The following METTL25 variants were observed in gnomAD, a reference collection of about 807,000 sequenced individuals.
METTL25 encodes probable methyltransferase-like protein 25.
A neutral mutation model predicts 71.6 loss-of-function variants in METTL25; 64 were observed. The ratio of observed to expected loss-of-function variants is 0.89; its 90% CI spans 0.73 to 1.10. The LOEUF (loss-of-function observed/expected upper bound fraction) is 1.10, where lower values mean the gene tolerates loss of function less well. Ranked by LOEUF, METTL25 falls within the 50% of genes least tolerant of loss-of-function variation. The pLI, the probability that METTL25 is intolerant of heterozygous loss-of-function variation, is 0.00. For missense variants in METTL25, 807 were observed against 707.0 expected (o/e 1.14, Z -1.60); for synonymous variants, 287 against 250.3 (o/e 1.15, Z -1.38).
intron 1 of METTL25, among the ~76,000 whole-genome samples, chr12:82,362,811 GAACAGT>G (rs1393213886): frequency 3.3e-5 from 5 of 152,166 alleles, no homozygotes; most frequent in Non-Finnish European, 7.4e-5. Context: ...ACATTTCAAG[GAACAGT>G]AGCTTGAAGA....
chr12:82,395,916 T>C (rs1164653586), intron 3 of METTL25, among the ~76,000 whole-genome samples: 1 of 152,108 alleles, frequency 6.6e-6, no homozygotes, highest in African/African-American at 2.4e-5. Flanking sequence ...TGCATGAGTA[T>C]GATATGGTAT....
chr12:82,379,246 A>C (rs1884190053), intron 1 of METTL25, among the ~76,000 whole-genome samples: 1 of 152,184 alleles, frequency 6.6e-6, no homozygotes, highest in Non-Finnish European at 1.5e-5. Context: ...CCTAAGTAAG[A>C]AATGATGTAT....
intron 4 of METTL25, among the ~76,000 whole-genome samples, chr12:82,400,288 C>T (rs1178122001): frequency 6.6e-6 from 1 of 151,604 alleles, no homozygotes; most frequent in Admixed American, 6.6e-5. Flanking sequence ...GCCAAGATCG[C>T]ACCACTGCAC....
At chr12:82,444,462 A>G (rs1358771138) in intron 8 of METTL25, among the ~76,000 whole-genome samples, 1 of 152,220 alleles carries the variant, frequency 6.6e-6, no homozygotes, top group Non-Finnish European at 1.5e-5. Flanking sequence ...AGCTGAAGGT[A>G]TAAAACTCAT....
intron 7 of METTL25, among the ~76,000 whole-genome samples, chr12:82,435,991 TTGAATCTC>T (rs1418047155): frequency 1.3e-5 from 2 of 151,440 alleles, no homozygotes; most frequent in South Asian, 4.1e-4. Context: ...AGACTAAGAC[TTGAATCTC>T]TGAGTCTGCA....
intron 5 of METTL25, among the ~76,000 whole-genome samples, chr12:82,414,628 T>A (rs1887814848): frequency 6.6e-6 from 1 of 152,032 alleles, no homozygotes. Context: ...TTAAAAGAAG[T>A]AGTAAAGAGG....
chr12:82,399,647 A>G (rs1406436145), intron 4 of METTL25, among the ~76,000 whole-genome samples: 1 of 152,150 alleles, frequency 6.6e-6, no homozygotes, highest in Non-Finnish European at 1.5e-5. Context: ...CTAGTAAGTA[A>G]ACTAAGTTCT....
chr12:82,456,856 CAGA>C (rs756199501), intron 9 of METTL25, 36 bp downstream of exon 9: 2 of 986,460 alleles, frequency 2.0e-6, no homozygotes, highest in South Asian at 1.9e-5. Flanking sequence ...TCAGAAAAGA[CAGA>C]AGAACTTCTA....
At chr12:82,477,074 A>G (rs1221386077) in intron 10 of METTL25, among the ~76,000 whole-genome samples, 2 of 151,826 alleles carry the variant, frequency 1.3e-5, no homozygotes, top group African/African-American at 4.8e-5. Flanking sequence ...TCTACCTCAC[A>G]GTCACTTAAA....
intron 5 of METTL25, among the ~76,000 whole-genome samples, chr12:82,414,734 A>G (rs1402047520): frequency 1.0e-5 from 1 of 98,660 alleles, no homozygotes; most frequent in Non-Finnish European, 2.1e-5. Context: ...ACAGGTTTTT[A>G]AAAAACTAGA....
chr12:82,406,060 C>T (rs1887062047), intron 5 of METTL25, among the ~76,000 whole-genome samples: 1 of 152,130 alleles, frequency 6.6e-6, no homozygotes, highest in African/African-American at 2.4e-5. Flanking sequence ...GGGAGAGGCT[C>T]ATAAAAAGTC....
chr12:82,401,190 A>T (rs907309894), intron 4 of METTL25, among the ~76,000 whole-genome samples: 2 of 152,082 alleles, frequency 1.3e-5, no homozygotes, highest in Non-Finnish European at 2.9e-5. Flanking sequence ...AGTAAGTTTG[A>T]TTACAGCTGT....
chr12:82,451,388 G>A (rs1350610957), intron 8 of METTL25: 1 of 340,530 alleles, frequency 2.9e-6, no homozygotes, highest in Non-Finnish European at 4.2e-6. Flanking sequence ...TATCACTGTG[G>A]TCGTGGTCAT....
In METTL25 at chr12:82,477,312, C is replaced by T; in HGVS notation, c.1679C>T (p.Thr560Ile). 6.4e-7 allele frequency: 1 copy of T among 1,574,444 alleles called. No homozygotes were observed. Among genetic ancestry groups the T allele is most frequent in the Non-Finnish European group, 8.6e-7 (1 of 1,160,750 alleles). Residue 560 changes from threonine to isoleucine, a missense_variant, in exon 11 of 12, where the codon ACT (threonine) becomes ATT (isoleucine). Coordinates refer to ENST00000248306, the MANE Select transcript of METTL25 (RefSeq NM_032230.3). The stretch of plus-strand genomic sequence containing the variant: ...GTTGTACTGGCTCCCTGTATAGAGA[C>T]TTTGATTCTTCTGGATCGACTTTGT... ...LKVVLAPCIE[T>I]LILLDRLCYL... is the part of the protein sequence containing the mutation.
intron 3 of METTL25, among the ~76,000 whole-genome samples, chr12:82,398,462 C>G (rs934604476): frequency 6.6e-6 from 1 of 151,964 alleles, no homozygotes; most frequent in African/African-American, 2.4e-5. Flanking sequence ...TGACACATTG[C>G]TAAATTCACT....
intron 5 of METTL25, among the ~76,000 whole-genome samples, chr12:82,425,946 A>T (rs1328205438): frequency 6.6e-6 from 1 of 152,104 alleles, no homozygotes; most frequent in African/African-American, 2.4e-5. Context: ...AAGAGACTTC[A>T]TCTATTCCAA....
chr12:82,472,813 C>T (rs1470129369), intron 9 of METTL25, among the ~76,000 whole-genome samples: 1 of 152,038 alleles, frequency 6.6e-6, no homozygotes, highest in Non-Finnish European at 1.5e-5. Context: ...CATTTTGTGT[C>T]TTTCCTTATA....
chr12:82,376,579 C>T (rs1361262101), intron 1 of METTL25, among the ~76,000 whole-genome samples: 2 of 152,180 alleles, frequency 1.3e-5, no homozygotes, highest in Non-Finnish European at 2.9e-5. Context: ...ACGGTTATTT[C>T]TCAAAATTTA....
rs971304750 is a variant in METTL25, at chr12:82,394,529, C to G, written c.532-4266C>G. The stretch of plus-strand genomic sequence containing the variant: ...TCTAAAACATGTTCACTCATTCATA[C>G]TTGCATGCATTCATTCATTTAGCAA... On this transcript the variant is annotated intron_variant, in intron 3 of 11. Coordinates refer to ENST00000248306, the MANE Select transcript of METTL25 (RefSeq NM_032230.3). Among the ~76,000 whole-genome samples, 53 of 152,026 alleles carry G rather than the reference C, an allele frequency of 3.5e-4. 1 individual carries two copies. Among genetic ancestry groups the G allele is most frequent in the South Asian group, 2.1e-4 (1 of 4,836 alleles).
Sources: gnomAD v4.1 joint callset for allele counts (sites outside exome capture counted in the v4.1 genomes callset) on GRCh38, gnomAD v4.1.1 for gene constraint, MANE v1.5 for transcripts, NCBI Gene and HGNC (gene_info 2026-07-23, HGNC 2026-07-21) for gene names.